Variants in CKAP5 observed in about 807,000 individuals in gnomAD.
CKAP5 encodes cytoskeleton associated protein 5, also known as cytoskeleton-associated protein 5.
A neutral mutation model predicts 232.8 loss-of-function variants in CKAP5; 27 were observed. That is an observed-to-expected ratio of 0.12 (90% CI 0.09 to 0.16). The LOEUF (loss-of-function observed/expected upper bound fraction) is 0.16, where lower values mean the gene tolerates loss of function less well. Ranked by LOEUF, CKAP5 falls within the 10% of genes least tolerant of loss-of-function variation. The pLI is 1.00. For missense variants in CKAP5, 1,838 were observed against 2,424.7 expected (o/e 0.76, Z 5.08); for synonymous variants, 785 against 841.1 (o/e 0.93, Z 1.16).
intron 1 of CKAP5, among the ~76,000 whole-genome samples, chr11:46,844,228 AAAAAAAAAGG>A (rs1940125712): frequency 6.6e-6 from 1 of 152,018 alleles, no homozygotes; most frequent in African/African-American, 2.4e-5. Flanking sequence ...TCTTAAAAAA[AAAAAAAAAGG>A]AAAAGAAAGT....
chr11:46,833,482 AT>A (rs199529522), intron 1 of CKAP5, among the ~76,000 whole-genome samples: 2 of 147,804 alleles, frequency 1.4e-5, no homozygotes, highest in Admixed American at 6.8e-5. Context: ...ATTATTATTA[AT>A]TTTTTTTTTG....
At position 46,790,217 on chromosome 11, in the gene CKAP5, G is replaced by C. The variant is rs756550817; in HGVS notation, c.1765-31C>G. On this transcript the variant is annotated intron_variant, in intron 14 of 43. Coordinates refer to ENST00000529230, the MANE Select transcript of CKAP5 (RefSeq NM_001008938.4). ...AGATACAAAAACATATTAGAATTAG[G>C]AATTGCTTAAGGGAACAGATGACAA... 2.1e-6 allele frequency: 3 copies of C among 1,462,244 alleles called. No individual in the cohort carries two copies. The South Asian group carries it at 3.5e-5, about 17-fold the overall frequency. The allele number at this position is 1,462,244 out of a possible 1,614,324, so 90.6% of individuals were successfully genotyped here.
chr11:46,799,232 C>G (rs892132237), intron 9 of CKAP5, among the ~76,000 whole-genome samples: 5 of 150,930 alleles, frequency 3.3e-5, no homozygotes, highest in African/African-American at 1.2e-4. Flanking sequence ...TATTTTTTGT[C>G]GAGACGGGGG....
At chr11:46,772,657 C>T (rs2065257279) in intron 24 of CKAP5, among the ~76,000 whole-genome samples, 2 of 152,156 alleles carry the variant, frequency 1.3e-5, no homozygotes, top group South Asian at 4.1e-4. Flanking sequence ...CTATCTCCAC[C>T]CCATCCTCCT....
In CKAP5 at chr11:46,778,457, T is replaced by G. The variant is rs975277626; in HGVS notation, c.2573+3A>C. The G allele has an allele frequency of 5.0e-6, 8 of 1,614,160 alleles. No individual in the cohort carries two copies. Among genetic ancestry groups the G allele is most frequent in the Non-Finnish European group, 6.8e-6 (8 of 1,179,994 alleles). ...ATAAACCATTTCACAGACTGGAACC[T>G]ACCTGATCTCCGTCCTCGGCAAAAG... On this transcript the variant is annotated splice_donor_region_variant and intron_variant, in intron 21 of 43. Coordinates refer to ENST00000529230, the MANE Select transcript of CKAP5 (RefSeq NM_001008938.4).
At chr11:46,765,885 T>C (rs1038936574) in intron 27 of CKAP5, among the ~76,000 whole-genome samples, 3 of 152,214 alleles carry the variant, frequency 2.0e-5, no homozygotes, top group Non-Finnish European at 4.4e-5. Flanking sequence ...GAATGGCATT[T>C]ACACATTTCC....
In CKAP5 at chr11:46,744,020, G is replaced by A; in HGVS notation, c.*3C>T. The A allele has an allele frequency of 6.2e-7, 1 of 1,612,162 alleles. No individual in the cohort carries two copies. Among genetic ancestry groups the A allele is most frequent in the Non-Finnish European group, 8.5e-7 (1 of 1,179,812 alleles). On this transcript the variant is annotated 3_prime_UTR_variant, in exon 44 of 44. Coordinates refer to ENST00000529230, the MANE Select transcript of CKAP5 (RefSeq NM_001008938.4). ...TGCAGGGTGCCGGGGGAGTGGGGCA[G>A]CTTCATTTGCGACTGCTCTTTATTC...
At chr11:46,786,202 A>T (rs938440448) in intron 16 of CKAP5, among the ~76,000 whole-genome samples, 6 of 152,210 alleles carry the variant, frequency 3.9e-5, no homozygotes, top group Non-Finnish European at 7.3e-5. Flanking sequence ...GAACCATTTA[A>T]AGAAAGGATG....
chr11:46,777,070 C>T (rs1462418987), intron 23 of CKAP5, among the ~76,000 whole-genome samples: 1 of 152,054 alleles, frequency 6.6e-6, no homozygotes, highest in Non-Finnish European at 1.5e-5. Context: ...TTCACTATAG[C>T]AAAATGTTAC....
chr11:46,744,418 A>C lies in CKAP5; in HGVS notation c.5856+8T>G. ...TCCCTGAACTGCACAGAAGAAAAGG[A>C]GCAGTACCTTTGTGTTGTCCAGACC... On this transcript the variant is annotated splice_region_variant and intron_variant, in intron 43 of 43. Coordinates refer to ENST00000529230, the MANE Select transcript of CKAP5 (RefSeq NM_001008938.4). 1.2e-6 allele frequency: 2 copies of C among 1,614,100 alleles called. No individual in the cohort carries two copies. Among genetic ancestry groups the C allele is most frequent in the Non-Finnish European group, 1.7e-6 (2 of 1,180,024 alleles).
intron 25 of CKAP5, among the ~76,000 whole-genome samples, chr11:46,770,427 T>C (rs2065237634): frequency 1.3e-5 from 2 of 152,338 alleles, no homozygotes; most frequent in South Asian, 4.1e-4. Flanking sequence ...TATAAATTCA[T>C]GTTTAATATA....
At chr11:46,832,956 C>CAA (rs76481067) in intron 1 of CKAP5, among the ~76,000 whole-genome samples, 7 of 142,880 alleles carry the variant, frequency 4.9e-5, no homozygotes, top group Non-Finnish European at 7.7e-5. Flanking sequence ...GAGTTTATCT[C>CAA]AAAAAAAAAA....
At chr11:46,828,763 C>A (rs1229565615) in intron 1 of CKAP5, among the ~76,000 whole-genome samples, 1 of 151,892 alleles carries the variant, frequency 6.6e-6, no homozygotes, top group Non-Finnish European at 1.5e-5. Context: ...CAAAAAAAGT[C>A]AAATACTGTA....
At chr11:46,785,327 T>C (rs2065381272) in intron 16 of CKAP5, among the ~76,000 whole-genome samples, 1 of 152,142 alleles carries the variant, frequency 6.6e-6, no homozygotes, top group African/African-American at 2.4e-5. Context: ...AATACTCCCA[T>C]TTATTTATGT....
chr11:46,799,556 C>T (rs192719650), intron 9 of CKAP5, among the ~76,000 whole-genome samples: 12 of 152,026 alleles, frequency 7.9e-5, no homozygotes, highest in African/African-American at 1.2e-4. Flanking sequence ...TACTAAACAC[C>T]GCATATATTA....
At chr11:46,834,136 T>A (rs1939861089) in intron 1 of CKAP5, among the ~76,000 whole-genome samples, 2 of 152,116 alleles carry the variant, frequency 1.3e-5, no homozygotes, top group Admixed American at 1.3e-4. Context: ...TTTTACTATA[T>A]CATTATAAGC....
At chr11:46,809,975 C>CTTTT in intron 5 of CKAP5, 101 bp from the exon 6 acceptor site, 1 of 1,013,442 alleles carries the variant, frequency 9.9e-7, no homozygotes. Flanking sequence ...CAATTTCTTT[C>CTTTT]TTTTTTTTTT....
intron 2 of CKAP5, among the ~76,000 whole-genome samples, chr11:46,818,995 T>G (rs902888183): frequency 6.6e-6 from 1 of 152,138 alleles, no homozygotes; most frequent in African/African-American, 2.4e-5. Context: ...ATTCAACAGG[T>G]GTTTAATAAA....
intron 17 of CKAP5, among the ~76,000 whole-genome samples, chr11:46,783,790 CT>C (rs1286197903): frequency 1.1e-4 from 16 of 151,984 alleles, no homozygotes; most frequent in African/African-American, 3.6e-4. Flanking sequence ...ACTGCCACGT[CT>C]GTCTCCCAGG....
Sources: allele counts gnomAD v4.1 joint callset (sites outside exome capture counted in the v4.1 genomes callset), GRCh38; gene constraint gnomAD v4.1.1; transcripts MANE v1.5; gene names NCBI Gene and HGNC (gene_info 2026-07-23, HGNC 2026-07-21).